ROR2: variants seen among roughly 807,000 people sequenced by gnomAD.
The protein encoded by ROR2 is ROR family WNT receptor 2.
In ROR2, 33 loss-of-function variants were observed where a neutral mutation model predicts 74.9. The observed-to-expected ratio is 0.44, with a 90% confidence interval of 0.33 to 0.59. The LOEUF is 0.59. ROR2 is among the 20% of genes least tolerant of loss of function. The probability of loss-of-function intolerance (pLI) is 0.02; values close to 1 mark genes in which losing one functional copy is unlikely to be tolerated. For missense variants in ROR2, 1,216 were observed against 1,313.8 expected, an observed-to-expected ratio of 0.93 and a Z score of 1.15; for synonymous variants, 586 against 558.7, an observed-to-expected ratio of 1.05 and a Z score of -0.69.
At chr9:91,740,564 GAATATATATATGTATATAT>G (rs1825198705) in intron 4 of ROR2, among the ~76,000 whole-genome samples, 1 of 141,584 alleles carries the variant, frequency 7.1e-6, no homozygotes, top group South Asian at 2.1e-4. Flanking sequence ...GCGGGGGGGG[GAATATATATATGTATATAT>G]ATATATACAT....
chr9:91,867,656 C>CTGTGTGTGTGTGTGTGTGTGTG lies in ROR2; in HGVS notation c.97+82189_97+82210dup, dbSNP rs57475950. 1.0e-3 allele frequency among the ~76,000 whole-genome samples: 131 copies of CTGTGTGTGTGTGTGTGTGTGTG among 131,376 alleles called. 1 individual carries two copies. Among genetic ancestry groups the CTGTGTGTGTGTGTGTGTGTGTG allele is most frequent in the Non-Finnish European group, 1.6e-3 (96 of 61,714 alleles). 86.2% of individuals were successfully genotyped at this position (131,376 alleles called of 152,430 possible). ...ACAAGTTCCTGAGACCACCCATGAG[C>CTGTGTGTGTGTGTGTGTGTGTG]TGTGTGTGTGTGTGTGTGTGTGTGT... On this transcript the variant is annotated intron_variant, in intron 1 of 8. Coordinates refer to ENST00000375708, the MANE Select transcript of ROR2 (RefSeq NM_004560.4).
At chr9:91,768,989 A>T (rs1170662316) in intron 2 of ROR2, among the ~76,000 whole-genome samples, 5 of 151,710 alleles carry the variant, frequency 3.3e-5, no homozygotes, top group Non-Finnish European at 7.4e-5. Context: ...TGGACATCTC[A>T]TGTTTGTTTT....
chr9:91,751,765 AAAC>A (rs1212355537), intron 4 of ROR2, among the ~76,000 whole-genome samples: 5 of 152,214 alleles, frequency 3.3e-5, no homozygotes, highest in African/African-American at 9.6e-5. Flanking sequence ...CGTATTTTTG[AAAC>A]AACAGGCAAG....
intron 1 of ROR2, among the ~76,000 whole-genome samples, chr9:91,827,739 T>C (rs1239327837): frequency 6.6e-6 from 1 of 152,224 alleles, no homozygotes. Flanking sequence ...TATAATTTTG[T>C]TCAATTTGAT....
At chr9:91,850,736 A>T (rs1829065640) in intron 1 of ROR2, among the ~76,000 whole-genome samples, 1 of 152,208 alleles carries the variant, frequency 6.6e-6, no homozygotes, top group African/African-American at 2.4e-5. Flanking sequence ...CGCAAAGATG[A>T]GTCTCTTCTC....
intron 7 of ROR2, among the ~76,000 whole-genome samples, chr9:91,729,558 CG>C (rs1445599946): frequency 6.6e-6 from 1 of 152,188 alleles, no homozygotes; most frequent in Non-Finnish European, 1.5e-5. Context: ...TAGAGACACG[CG>C]GGCCTGCACC....
chr9:91,948,176 T>A (rs1470321940), intron 1 of ROR2, among the ~76,000 whole-genome samples: 2 of 152,206 alleles, frequency 1.3e-5, no homozygotes, highest in Non-Finnish European at 2.9e-5. Flanking sequence ...GCTTTCCTCA[T>A]CACCCATCTA....
intron 1 of ROR2, among the ~76,000 whole-genome samples, chr9:91,793,749 G>A (rs1177223726): frequency 1.4e-5 from 2 of 143,480 alleles, no homozygotes; most frequent in Non-Finnish European, 3.0e-5. Context: ...GCGACAGTGT[G>A]AGACTCCGTT....
chr9:91,842,255 A>G (rs773583458), intron 1 of ROR2, among the ~76,000 whole-genome samples: 1 of 152,202 alleles, frequency 6.6e-6, no homozygotes, highest in Non-Finnish European at 1.5e-5. Flanking sequence ...TTACTCGAGC[A>G]TACTCCTGAT....
chr9:91,938,097 C>T (rs1313508941), intron 1 of ROR2, among the ~76,000 whole-genome samples: 1 of 152,176 alleles, frequency 6.6e-6, no homozygotes, highest in African/African-American at 2.4e-5. Context: ...TAAAATAAGA[C>T]AACACCTTTG....
chr9:91,810,177 C>T (rs889181035), intron 1 of ROR2, among the ~76,000 whole-genome samples: 8 of 152,170 alleles, frequency 5.3e-5, no homozygotes, highest in Admixed American at 1.3e-4. Context: ...GCTACGGTGG[C>T]GACAGAATCA....
At chr9:91,906,874 T>C (rs1028362344) in intron 1 of ROR2, among the ~76,000 whole-genome samples, 4 of 152,188 alleles carry the variant, frequency 2.6e-5, no homozygotes, top group African/African-American at 9.7e-5. Flanking sequence ...TTCAGGCTTT[T>C]ATATTTTTCT....
chr9:91,865,419 T>C (rs923907846), intron 1 of ROR2, among the ~76,000 whole-genome samples: 4 of 152,222 alleles, frequency 2.6e-5, no homozygotes, highest in Non-Finnish European at 5.9e-5. Context: ...ATGACTGTAG[T>C]ATCATTAGTT....
At chr9:91,945,308 A>G (rs1016277355) in intron 1 of ROR2, among the ~76,000 whole-genome samples, 2 of 152,204 alleles carry the variant, frequency 1.3e-5, no homozygotes, top group Non-Finnish European at 2.9e-5. Context: ...CAAGCCTACA[A>G]TGAGGAGTTC....
At chr9:91,889,236 G>A (rs1420704366) in intron 1 of ROR2, among the ~76,000 whole-genome samples, 2 of 152,178 alleles carry the variant, frequency 1.3e-5, no homozygotes, top group East Asian at 3.8e-4. Context: ...CCGAGTGTGG[G>A]ACCCACTCCC....
intron 1 of ROR2, among the ~76,000 whole-genome samples, chr9:91,782,115 T>C (rs1016628875): frequency 6.6e-6 from 1 of 152,198 alleles, no homozygotes; most frequent in African/African-American, 2.4e-5. Flanking sequence ...GGAGGCCAAA[T>C]GCCGCACCTC....
At chr9:91,755,532 G>A (rs375679777) in intron 4 of ROR2, among the ~76,000 whole-genome samples, 3 of 152,234 alleles carry the variant, frequency 2.0e-5, no homozygotes, top group East Asian at 1.9e-4. Context: ...GAATAACCTC[G>A]TACTGGGAAA....
At chr9:91,927,110 A>G (rs1231494183) in intron 1 of ROR2, among the ~76,000 whole-genome samples, 1 of 152,204 alleles carries the variant, frequency 6.6e-6, no homozygotes, top group East Asian at 1.9e-4. Flanking sequence ...CTTTTGCCCC[A>G]TTTCATGGGC....
At chr9:91,833,359 G>A (rs1321526066) in intron 1 of ROR2, among the ~76,000 whole-genome samples, 8 of 152,128 alleles carry the variant, frequency 5.3e-5, no homozygotes, top group East Asian at 3.9e-4. Flanking sequence ...ATGGCATGCC[G>A]AGTGCACTGT....
Sources: allele counts gnomAD v4.1 joint callset (sites outside exome capture counted in the v4.1 genomes callset), GRCh38; gene constraint gnomAD v4.1.1; transcripts MANE v1.5; gene names NCBI Gene and HGNC (gene_info 2026-07-23, HGNC 2026-07-21).